Variants in ADAM12 observed in about 807,000 individuals in gnomAD.
ADAM12 encodes ADAM metallopeptidase domain 12.
ADAM12 carries 70 observed loss-of-function variants against 106.4 expected under a neutral mutation model. That is an observed-to-expected ratio of 0.66 (90% CI 0.54 to 0.80). The LOEUF is 0.80. ADAM12 is among the 30% of genes least tolerant of loss of function. The pLI, the probability that ADAM12 is intolerant of heterozygous loss-of-function variation, is 0.00. For synonymous variants in ADAM12, 420 were observed against 433.5 expected (o/e 0.97, Z 0.39); for missense variants, 1,010 against 1,171.9 (o/e 0.86, Z 2.02).
chr10:126,125,336 C>T (rs1956187625), intron 5 of ADAM12, among the ~76,000 whole-genome samples: 1 of 151,240 alleles, frequency 6.6e-6, no homozygotes, highest in Admixed American at 6.6e-5. Flanking sequence ...CCTCTGACTC[C>T]CTGGTTCAAG....
chr10:126,089,677 C>G (rs1042223846), intron 11 of ADAM12, among the ~76,000 whole-genome samples: 7 of 152,184 alleles, frequency 4.6e-5, no homozygotes, highest in African/African-American at 1.7e-4. Context: ...TTTGCTGGCT[C>G]TGGTTCCTCC....
In ADAM12 at chr10:126,065,651, C is replaced by T. The variant is rs924815375; in HGVS notation, c.1414-650G>A. On this transcript the variant is annotated intron_variant, in intron 13 of 22. Coordinates refer to ENST00000448723, the MANE Select transcript of ADAM12 (RefSeq NM_001288973.2). Reference sequence around the variant, plus strand: ...GAGGCTACACAGCTAGGGAACCCTGCGAGTCCTGGGCTTAGTTCCCTGCAT... The same window carrying T: ...GAGGCTACACAGCTAGGGAACCCTGTGAGTCCTGGGCTTAGTTCCCTGCAT... Among the ~76,000 whole-genome samples, 8 of 152,236 alleles carry T rather than the reference C, an allele frequency of 5.3e-5. No homozygotes were observed. In the East Asian group the frequency reaches 5.8e-4, roughly 11 times the overall value.
intron 2 of ADAM12, among the ~76,000 whole-genome samples, chr10:126,286,237 C>T (rs1287589499): frequency 2.0e-5 from 3 of 152,044 alleles, no homozygotes; most frequent in Non-Finnish European, 4.4e-5. Flanking sequence ...AACATCTGCC[C>T]TGATTCTGAG....
rs942827088 is a variant in ADAM12, at chr10:126,014,381, TAG to T, written c.*2896_*2897del. The T allele has an allele frequency of 7.6e-6, 1 of 131,920 alleles. No homozygotes were observed. The highest frequency in any genetic ancestry group is 1.6e-5 in the Non-Finnish European group (1 of 64,036). The allele number at this position is 131,920 out of a possible 1,614,324, so 8.2% of individuals were successfully genotyped here. On this transcript the variant is annotated 3_prime_UTR_variant, in exon 23 of 23. Coordinates refer to ENST00000448723, the MANE Select transcript of ADAM12 (RefSeq NM_001288973.2). ...TGATTTGCCTGGGAACAATGGCCTATAGTTCAGCCTGAGAATTCTCATAAAGT... is the reference window on the plus strand; with the variant it reads ...TGATTTGCCTGGGAACAATGGCCTATTTCAGCCTGAGAATTCTCATAAAGT...
chr10:126,177,111 C>G (rs548982707), intron 3 of ADAM12, among the ~76,000 whole-genome samples: 68 of 152,148 alleles, frequency 4.5e-4, no homozygotes, highest in Non-Finnish European at 7.4e-4. Context: ...TCATTTATGG[C>G]TGTACATGGC....
At chr10:126,223,220 T>C (rs142806576) in intron 3 of ADAM12, among the ~76,000 whole-genome samples, 2 of 152,370 alleles carry the variant, frequency 1.3e-5, no homozygotes, top group Non-Finnish European at 2.9e-5. Context: ...TTATTCAATC[T>C]AGTTGTTTTT....
At chr10:126,058,432 C>T (rs935695694) in intron 14 of ADAM12, among the ~76,000 whole-genome samples, 1 of 152,190 alleles carries the variant, frequency 6.6e-6, no homozygotes, top group African/African-American at 2.4e-5. Context: ...TCCACTTATT[C>T]ATTGACATCA....
At chr10:126,258,163 A>C (rs181489454) in intron 3 of ADAM12, among the ~76,000 whole-genome samples, 372 of 152,358 alleles carry the variant, frequency 2.4e-3, no homozygotes, top group Admixed American at 3.9e-3. Context: ...ATTCAGGCAC[A>C]CATTTAAAAT....
intron 2 of ADAM12, among the ~76,000 whole-genome samples, chr10:126,286,475 T>C (rs1959866813): frequency 6.6e-6 from 1 of 152,152 alleles, no homozygotes; most frequent in Non-Finnish European, 1.5e-5. Context: ...ATTAAAATAT[T>C]GCATTCAAGG....
At chr10:126,316,686 A>G (rs1246297550) in intron 2 of ADAM12, among the ~76,000 whole-genome samples, 1 of 151,698 alleles carries the variant, frequency 6.6e-6, no homozygotes, top group Admixed American at 6.6e-5. Context: ...GCAAAAACCT[A>G]TCTCCACAAA....
At chr10:126,347,269 C>T (rs1326657437) in intron 1 of ADAM12, among the ~76,000 whole-genome samples, 1 of 152,102 alleles carries the variant, frequency 6.6e-6, no homozygotes, top group East Asian at 1.9e-4. Flanking sequence ...TTTATTTCTC[C>T]TTCACTTATG....
At chr10:126,306,819 G>A (rs560358520) in intron 2 of ADAM12, among the ~76,000 whole-genome samples, 3 of 152,250 alleles carry the variant, frequency 2.0e-5, no homozygotes, top group African/African-American at 4.8e-5. Flanking sequence ...TCAACAGTTT[G>A]ATTATCACGG....
chr10:126,278,834 C>A, intron 3 of ADAM12, 81 bp downstream of exon 3: 1 of 1,086,674 alleles, frequency 9.2e-7, no homozygotes, highest in Non-Finnish European at 1.3e-6. Flanking sequence ...GTTTCTAAAC[C>A]CCAACATAAA....
Position 126,014,837 on chromosome 10 carries a change from AAAAT to A in ADAM12, c.*2438_*2441del, listed in dbSNP as rs1282430092. ...ATTCATGCCTATACAGTCTTTTAAA[AAAAT>A]ACTAGATTGCCATTGAAATATAAGT... is the stretch of plus-strand genomic sequence containing the variant. On this transcript the variant is annotated 3_prime_UTR_variant, in exon 23 of 23. Transcript: ENST00000448723. 6.6e-6 allele frequency: 1 copy of A among 151,910 alleles called. No homozygotes were observed. The highest frequency in any genetic ancestry group is 2.4e-5 in the African/African-American group (1 of 41,312). The allele number at this position is 151,910 out of a possible 1,614,324, so 9.4% of individuals were successfully genotyped here. A position where few individuals can be genotyped will look rare whatever the true frequency, so the allele number is the denominator to read the frequency against.
intron 5 of ADAM12, among the ~76,000 whole-genome samples, chr10:126,132,245 T>C (rs539175429): frequency 3.3e-5 from 5 of 152,322 alleles, no homozygotes; most frequent in Admixed American, 3.3e-4. Flanking sequence ...AGTGCTAGGA[T>C]TACAGGCGTG....
intron 22 of ADAM12, 102 bp downstream of exon 22, chr10:126,019,593 C>T (rs1953722838): frequency 1.4e-6 from 2 of 1,432,552 alleles, no homozygotes; most frequent in Non-Finnish European, 1.9e-6. Flanking sequence ...GAGCAGGAAG[C>T]ACGGCCTAGA....
intron 1 of ADAM12, among the ~76,000 whole-genome samples, chr10:126,358,483 G>A (rs984897058): frequency 1.2e-4 from 19 of 152,088 alleles, no homozygotes; most frequent in African/African-American, 3.4e-4. Flanking sequence ...AGGCATAGAA[G>A]AAATGTACCT....
intron 19 of ADAM12, among the ~76,000 whole-genome samples, chr10:126,039,003 A>G (rs1590319305): frequency 8.7e-6 from 1 of 114,760 alleles, no homozygotes; most frequent in Admixed American, 1.3e-4. Flanking sequence ...TCTCTCGCCC[A>G]GGCTGGAGTG....
intron 10 of ADAM12, among the ~76,000 whole-genome samples, chr10:126,096,939 C>T (rs918675295): frequency 6.6e-6 from 1 of 152,000 alleles, no homozygotes; most frequent in Non-Finnish European, 1.5e-5. Flanking sequence ...AATAGCCTTC[C>T]CTGTATCCTT....
Sources: allele counts gnomAD v4.1 joint callset (sites outside exome capture counted in the v4.1 genomes callset), GRCh38; gene constraint gnomAD v4.1.1; transcripts MANE v1.5; gene names NCBI Gene and HGNC (gene_info 2026-07-23, HGNC 2026-07-21).